MTMR7: variants seen among roughly 807,000 people sequenced by gnomAD.
The protein encoded by MTMR7 is myotubularin related protein 7.
In MTMR7, 76 loss-of-function variants were observed where a neutral mutation model predicts 81.2. The ratio of observed to expected loss-of-function variants is 0.94; its 90% CI spans 0.78 to 1.13. The LOEUF is 1.13. MTMR7 is among the 50% of genes most tolerant of loss of function. MTMR7 has a pLI of 0.00. For synonymous variants in MTMR7, 372 were observed against 289.8 expected, an observed-to-expected ratio of 1.28 and a Z score of -2.88; for missense variants, 1,044 against 820.0, an observed-to-expected ratio of 1.27 and a Z score of -3.34.
rs561187044 is a variant in MTMR7 at position 17,384,245 on chromosome 8, C to A, written c.25-11005G>T. Among the ~76,000 whole-genome samples, 27 of 152,140 alleles carry A rather than the reference C, an allele frequency of 1.8e-4. No individual in the cohort carries two copies. The South Asian group carries it at 3.7e-3, about 21-fold the overall frequency. On this transcript the variant is annotated intron_variant, in intron 1 of 13. Coordinates refer to ENST00000180173, the MANE Select transcript of MTMR7 (RefSeq NM_004686.5). Reference sequence around the variant, plus strand: ...GGGCAACAAGATGAGATCCCCATCTCTACACAAAATAAAATAATATCTAGG... The same window carrying A: ...GGGCAACAAGATGAGATCCCCATCTATACACAAAATAAAATAATATCTAGG...
intron 10 of MTMR7, among the ~76,000 whole-genome samples, chr8:17,306,722 T>C (rs1401262462): frequency 6.6e-6 from 1 of 152,164 alleles, no homozygotes; most frequent in African/African-American, 2.4e-5. Context: ...TGAGCAATGA[T>C]CAGTTTTAGA....
chr8:17,413,220 C>T lies in MTMR7; in HGVS notation c.24+49G>A, dbSNP rs143977631. On this transcript the variant is annotated intron_variant, in intron 1 of 13. Coordinates refer to ENST00000180173, the MANE Select transcript of MTMR7 (RefSeq NM_004686.5). ...CGCGCGCTCAGCATCCCTCCTCCTC[C>T]TCCCCCATCTCCTCCCGTCCCTCCT... The T allele has an allele frequency of 2.0e-3, 3,035 of 1,540,244 alleles. 44 individuals carry two copies. In the African/African-American group the frequency reaches 0.037, roughly 19 times the overall value.
chr8:17,339,501 T>C (rs11203843), intron 6 of MTMR7, among the ~76,000 whole-genome samples: 10,506 of 152,252 alleles, frequency 0.069, 720 homozygotes, highest in East Asian at 0.31. Flanking sequence ...GTTGAAAGCA[T>C]TTCATGATTC....
At chr8:17,340,526 T>C (rs945356381) in intron 6 of MTMR7, among the ~76,000 whole-genome samples, 2 of 152,212 alleles carry the variant, frequency 1.3e-5, no homozygotes, top group Non-Finnish European at 2.9e-5. Context: ...GGGACTTCAC[T>C]TGTTGAAGTT....
intron 4 of MTMR7, among the ~76,000 whole-genome samples, chr8:17,351,441 T>G (rs1348120478): frequency 6.6e-6 from 1 of 152,222 alleles, no homozygotes; most frequent in African/African-American, 2.4e-5. Flanking sequence ...CCCACTCTCC[T>G]TGGCCCCAAC....
intron 1 of MTMR7, among the ~76,000 whole-genome samples, chr8:17,390,045 T>C (rs1167214875): frequency 6.9e-6 from 1 of 144,530 alleles, no homozygotes; most frequent in Non-Finnish European, 1.5e-5. Flanking sequence ...TGCTTGAAGG[T>C]GGGAAAGCAT....
At chr8:17,328,584 A>C (rs1291568398) in intron 7 of MTMR7, among the ~76,000 whole-genome samples, 1 of 152,086 alleles carries the variant, frequency 6.6e-6, no homozygotes, top group African/African-American at 2.4e-5. Flanking sequence ...GGGGGAGTGG[A>C]GGGAGAGCAT....
Position 17,361,254 on chromosome 8 carries a change from A to G in MTMR7, c.331T>C (p.Cys111Arg). ...TCCAGCATGGGGTTGAATGAAAAGC[A>G]GTATAACTCCTCATATTTCACTGCA... ...ARPVKYEELY[C>R]FSFNPMLDKE... The change falls in exon 4 of 14, where the codon TGC becomes CGC. Residue 111 changes from cysteine to arginine, a missense_variant. Coordinates refer to ENST00000180173, the MANE Select transcript of MTMR7 (RefSeq NM_004686.5). 1.2e-6 allele frequency: 2 copies of G among 1,614,210 alleles called. No homozygotes were observed. Among genetic ancestry groups the G allele is most frequent in the East Asian group, 4.5e-5 (2 of 44,878 alleles).
chr8:17,347,512 A>G (rs1819594583), intron 5 of MTMR7, among the ~76,000 whole-genome samples: 1 of 152,192 alleles, frequency 6.6e-6, no homozygotes, highest in Non-Finnish European at 1.5e-5. Flanking sequence ...CTGTAGGTGC[A>G]GGCATGTGGA....
intron 1 of MTMR7, among the ~76,000 whole-genome samples, chr8:17,376,626 T>A (rs958353384): frequency 6.6e-6 from 1 of 152,174 alleles, no homozygotes; most frequent in Middle Eastern, 3.2e-3. Context: ...TTGATTATAG[T>A]CATCCTAATA....
chr8:17,361,215 CTCTT>C lies in MTMR7; in HGVS notation c.366_369del (p.Arg123SerfsTer6). On this transcript the variant is annotated frameshift_variant, in exon 4 of 14. Transcript: ENST00000180173. LOFTEE classifies it high-confidence loss of function. ...AGATCGATCAGCACCCAGCCTTGCT[CTCTT>C]TCTTCTTTATCCAGCATGGGGTTGA... 1 of 1,614,182 alleles carries C rather than the reference CTCTT, an allele frequency of 6.2e-7. No homozygotes were observed. Among genetic ancestry groups the C allele is most frequent in the Non-Finnish European group, 8.5e-7 (1 of 1,180,008 alleles).
intron 5 of MTMR7, among the ~76,000 whole-genome samples, chr8:17,343,563 A>G (rs1420247907): frequency 6.6e-6 from 1 of 152,250 alleles, no homozygotes; most frequent in Non-Finnish European, 1.5e-5. Context: ...TCACTAAAGC[A>G]GTGAGACACC....
intron 6 of MTMR7, among the ~76,000 whole-genome samples, chr8:17,338,027 A>G (rs1440819220): frequency 6.6e-6 from 1 of 152,216 alleles, no homozygotes; most frequent in Non-Finnish European, 1.5e-5. Flanking sequence ...CACCTTCTAG[A>G]GCAAACTCAG....
chr8:17,307,541 T>A (rs542440999), intron 10 of MTMR7, among the ~76,000 whole-genome samples: 2 of 150,952 alleles, frequency 1.3e-5, no homozygotes, highest in Admixed American at 6.6e-5. Context: ...ACTGGGTATA[T>A]ACCCAAAGGA....
intron 1 of MTMR7, among the ~76,000 whole-genome samples, chr8:17,383,025 ATG>A (rs1491156024): frequency 6.8e-6 from 1 of 146,904 alleles, no homozygotes; most frequent in African/African-American, 2.7e-5. Context: ...CCTCCGAGAT[ATG>A]GGGGGGCCGG....
rs550324681 is a variant in MTMR7 at position 17,342,648 on chromosome 8, C to T, written c.598-1151G>A. ...CACTAGCTCTGAAGTTGGAGAACCA[C>T]AGAATGGCTGGACATATTACAGGGG... On this transcript the variant is annotated intron_variant, in intron 5 of 13. Coordinates refer to ENST00000180173, the MANE Select transcript of MTMR7 (RefSeq NM_004686.5). 4.6e-5 allele frequency among the ~76,000 whole-genome samples: 7 copies of T among 152,260 alleles called. No individual in the cohort carries two copies. In the South Asian group the frequency reaches 1.5e-3, roughly 32 times the overall value.
chr8:17,343,824 T>C (rs1011081855), intron 5 of MTMR7, among the ~76,000 whole-genome samples: 1 of 152,244 alleles, frequency 6.6e-6, no homozygotes, highest in Non-Finnish European at 1.5e-5. Context: ...GGTTTTCAAT[T>C]GTGTGCAGAA....
chr8:17,368,460 C>T (rs2410523), intron 3 of MTMR7, among the ~76,000 whole-genome samples: 16,903 of 152,158 alleles, frequency 0.11, 1,110 homozygotes, highest in Non-Finnish European at 0.15. Context: ...CAAAGTACAC[C>T]TCCCTCACCA....
rs1281972651 is a variant in MTMR7 at position 17,299,180 on chromosome 8, G to A, written c.*682C>T. On this transcript the variant is annotated 3_prime_UTR_variant, in exon 14 of 14. Coordinates refer to ENST00000180173, the MANE Select transcript of MTMR7 (RefSeq NM_004686.5). ...CTACCTCGTTAGCTATTAAATCAGT[G>A]TTAGAGAAAAAGTGAGATACAAGGT... 1 of 152,150 alleles carries A rather than the reference G, an allele frequency of 6.6e-6. No homozygotes were observed. Among genetic ancestry groups the A allele is most frequent in the Non-Finnish European group, 1.5e-5 (1 of 68,018 alleles). 9.4% of individuals were successfully genotyped at this position (152,150 alleles called of 1,614,324 possible).
Sources: gnomAD v4.1 joint callset for allele counts (sites outside exome capture counted in the v4.1 genomes callset) on GRCh38, gnomAD v4.1.1 for gene constraint, MANE v1.5 for transcripts, NCBI Gene and HGNC (gene_info 2026-07-23, HGNC 2026-07-21) for gene names.